Variants in AGBL4 observed in about 807,000 individuals in gnomAD.
The protein encoded by AGBL4 is cytosolic carboxypeptidase 6.
Under a neutral mutation model 66.4 loss-of-function variants are expected in AGBL4, and 58 were observed. That is an observed-to-expected ratio of 0.87 (90% confidence interval 0.71 to 1.09). AGBL4 has a LOEUF of 1.09. AGBL4 is among the 50% of genes least tolerant of loss of function. The probability of loss-of-function intolerance (pLI) is 0.00; values close to 1 mark genes in which losing one functional copy is unlikely to be tolerated. For synonymous variants in AGBL4, 234 were observed against 222.9 expected, an observed-to-expected ratio of 1.05 and a Z score of -0.44; for missense variants, 579 against 631.0, an observed-to-expected ratio of 0.92 and a Z score of 0.88.
intron 3 of AGBL4, among the ~76,000 whole-genome samples, chr1:49,454,205 AG>A (rs1646340868): frequency 6.6e-6 from 1 of 151,864 alleles, no homozygotes; most frequent in East Asian, 1.9e-4. Context: ...AGGAAAAAGA[AG>A]GGAACCAGCA....
At chr1:49,402,251 T>A (rs2148612945) in intron 3 of AGBL4, among the ~76,000 whole-genome samples, 1 of 152,310 alleles carries the variant, frequency 6.6e-6, no homozygotes, top group East Asian at 1.9e-4. Context: ...TTTCTAGTTA[T>A]TTAAGACACA....
chr1:49,435,830 GATTA>G (rs1300421499), intron 3 of AGBL4, among the ~76,000 whole-genome samples: 6 of 152,190 alleles, frequency 3.9e-5, no homozygotes, highest in African/African-American at 1.4e-4. Context: ...AGCTTAGTTA[GATTA>G]ATTAAGTTCC....
At chr1:49,240,661 C>A (rs371501516) in intron 4 of AGBL4, among the ~76,000 whole-genome samples, 1 of 151,184 alleles carries the variant, frequency 6.6e-6, no homozygotes, top group Admixed American at 6.6e-5. Flanking sequence ...AGAGCCTTAT[C>A]CTAATCTCTC....
chr1:49,572,765 G>C (rs1378481087), intron 3 of AGBL4, among the ~76,000 whole-genome samples: 2 of 152,144 alleles, frequency 1.3e-5, no homozygotes, highest in Non-Finnish European at 2.9e-5. Context: ...CAACTTGATT[G>C]AATTGAAGGA....
At chr1:48,650,643 T>A (rs996317130) in intron 8 of AGBL4, among the ~76,000 whole-genome samples, 1 of 152,190 alleles carries the variant, frequency 6.6e-6, no homozygotes, top group Non-Finnish European at 1.5e-5. Flanking sequence ...CACAGAATTA[T>A]GAGGATTAAA....
At chr1:49,980,431 C>T (rs1658963201) in intron 1 of AGBL4, among the ~76,000 whole-genome samples, 1 of 152,016 alleles carries the variant, frequency 6.6e-6, no homozygotes, top group Non-Finnish European at 1.5e-5. Context: ...CTTCCCATTT[C>T]CACCTTCCCT....
intron 4 of AGBL4, among the ~76,000 whole-genome samples, chr1:49,106,943 G>C (rs1053600006): frequency 5.3e-5 from 8 of 151,604 alleles, no homozygotes; most frequent in African/African-American, 1.9e-4. Flanking sequence ...TCCCTTTTTT[G>C]GAAAAATACT....
intron 4 of AGBL4, among the ~76,000 whole-genome samples, chr1:49,138,006 G>A (rs1200753054): frequency 5.3e-5 from 8 of 152,036 alleles, no homozygotes. Context: ...GAGCAGGCAG[G>A]GATTCTGGGC....
chr1:49,168,767 C>T (rs775893325), intron 4 of AGBL4, among the ~76,000 whole-genome samples: 1 of 152,222 alleles, frequency 6.6e-6, no homozygotes, highest in Non-Finnish European at 1.5e-5. Flanking sequence ...GCTCACCTAA[C>T]TGGATCCATG....
chr1:48,776,172 A>G (rs1488527466), intron 6 of AGBL4, among the ~76,000 whole-genome samples: 1 of 152,168 alleles, frequency 6.6e-6, no homozygotes, highest in East Asian at 1.9e-4. Flanking sequence ...CTTTAAAGGG[A>G]GAGAGACAGA....
At chr1:48,646,517 G>A (rs1645838123) in intron 8 of AGBL4, among the ~76,000 whole-genome samples, 1 of 141,302 alleles carries the variant, frequency 7.1e-6, no homozygotes, top group Non-Finnish European at 1.5e-5. Context: ...GTTATAATGT[G>A]TGTGTGTGTG....
chr1:48,776,910 G>T, intron 6 of AGBL4: 1 of 803,986 alleles, frequency 1.2e-6, no homozygotes, highest in Non-Finnish European at 1.9e-6. Flanking sequence ...GGCGGGGGGC[G>T]CGAGTCTCGC....
chr1:49,896,262 T>C (rs1482430967), intron 1 of AGBL4, among the ~76,000 whole-genome samples: 1 of 152,054 alleles, frequency 6.6e-6, no homozygotes, highest in African/African-American at 2.4e-5. Context: ...TAAAGAGATA[T>C]AGACCCCAAT....
At chr1:48,527,736 G>C in the AGBL4 span, among the ~76,000 whole-genome samples, 2 of 152,082 alleles carry the variant, frequency 1.3e-5, no homozygotes, top group Non-Finnish European at 2.9e-5. Flanking sequence ...TGATGAGAAG[G>C]ATTTTCTTAG....
At chr1:49,473,730 C>G (rs956424794) in intron 3 of AGBL4, among the ~76,000 whole-genome samples, 8 of 151,918 alleles carry the variant, frequency 5.3e-5, no homozygotes, top group African/African-American at 1.9e-4. Context: ...AAGAGTATTT[C>G]CTGGATTTTC....
At chr1:49,509,608 A>C (rs1649019478) in intron 3 of AGBL4, among the ~76,000 whole-genome samples, 2 of 151,946 alleles carry the variant, frequency 1.3e-5, no homozygotes, top group South Asian at 4.1e-4. Flanking sequence ...TTAAAAACCA[A>C]ATAGGGAGTC....
At chr1:49,879,982 T>C (rs956938025) in intron 1 of AGBL4, among the ~76,000 whole-genome samples, 130 of 149,374 alleles carry the variant, frequency 8.7e-4, no homozygotes, top group Non-Finnish European at 1.4e-3. Flanking sequence ...ATTCTTCATG[T>C]AGTTCTCGAG....
intron 8 of AGBL4, among the ~76,000 whole-genome samples, chr1:48,645,444 C>T (rs1015247500): frequency 2.0e-5 from 3 of 152,122 alleles, no homozygotes; most frequent in Admixed American, 6.5e-5. Flanking sequence ...GGAGTTGCAG[C>T]TTAGCAGAAA....
intron 3 of AGBL4, among the ~76,000 whole-genome samples, chr1:49,410,374 C>G (rs1486472824): frequency 6.6e-6 from 1 of 152,140 alleles, no homozygotes; most frequent in East Asian, 1.9e-4. Flanking sequence ...ACTGCTTAGC[C>G]CGGCATAGTT....
Sources: allele counts gnomAD v4.1 joint callset (sites outside exome capture counted in the v4.1 genomes callset), GRCh38; gene constraint gnomAD v4.1.1; transcripts MANE v1.5; gene names NCBI Gene and HGNC (gene_info 2026-07-23, HGNC 2026-07-21).